The following DAB1 variants were observed in gnomAD, a reference collection of about 807,000 sequenced individuals.
DAB1 encodes the protein disabled homolog 1.
DAB1 carries 15 observed loss-of-function variants against 64.6 expected under a neutral mutation model. The observed-to-expected ratio is 0.23, with a 90% CI of 0.16 to 0.36. The LOEUF is 0.36. Ranked by LOEUF, DAB1 falls within the 10% of genes least tolerant of loss-of-function variation. The pLI is 1.00. For synonymous variants in DAB1, 235 were observed against 251.9 expected (o/e 0.93, Z 0.64); for missense variants, 596 against 706.7 (o/e 0.84, Z 1.78).
At chr1:57,196,373 T>C (rs937752268) in intron 2 of DAB1, among the ~76,000 whole-genome samples, 1 of 152,214 alleles carries the variant, frequency 6.6e-6, no homozygotes, top group Non-Finnish European at 1.5e-5. Context: ...AGGCACTTTC[T>C]TGGCAAATCT....
intron 4 of DAB1, among the ~76,000 whole-genome samples, chr1:57,092,527 G>C (rs1653783058): frequency 6.6e-6 from 1 of 152,072 alleles, no homozygotes; most frequent in Non-Finnish European, 1.5e-5. Context: ...GACGGTACTT[G>C]CTTCTTCTTA....
chr1:57,016,946 G>A (rs1646453472), intron 11 of DAB1, among the ~76,000 whole-genome samples: 1 of 152,104 alleles, frequency 6.6e-6, no homozygotes, highest in Admixed American at 6.5e-5. Context: ...AACTTGCTCA[G>A]GGTCATACAG....
At chr1:57,175,175 G>C (rs978728404) in intron 2 of DAB1, among the ~76,000 whole-genome samples, 14 of 152,004 alleles carry the variant, frequency 9.2e-5, no homozygotes, top group African/African-American at 3.4e-4. Context: ...ACTCCAATTA[G>C]CAAACTGTAT....
chr1:58,490,944 T>A (rs1383416578), intron 3 of DAB1, among the ~76,000 whole-genome samples: 1 of 151,462 alleles, frequency 6.6e-6, no homozygotes, highest in East Asian at 1.9e-4. Context: ...TAGCTGGGAC[T>A]ACAGGCACCC....
At chr1:57,643,103 G>A (rs777131909) in intron 7 of DAB1, among the ~76,000 whole-genome samples, 9 of 152,162 alleles carry the variant, frequency 5.9e-5, no homozygotes, top group South Asian at 2.1e-4. Flanking sequence ...TCATCAATGC[G>A]GATTTCAGCT....
chr1:57,774,347 A>G (rs997613647), intron 6 of DAB1, among the ~76,000 whole-genome samples: 19 of 151,768 alleles, frequency 1.3e-4, no homozygotes, highest in Admixed American at 1.1e-3. Context: ...ATTCCAGTAC[A>G]TTTCTGGAGA....
At chr1:57,587,751 CA>C (rs1645397693) in intron 7 of DAB1, among the ~76,000 whole-genome samples, 1 of 152,152 alleles carries the variant, frequency 6.6e-6, no homozygotes, top group Non-Finnish European at 1.5e-5. Flanking sequence ...AGGCTCAGAG[CA>C]GTGAAGAGAC....
intron 7 of DAB1, among the ~76,000 whole-genome samples, chr1:57,536,585 G>A (rs776138081): frequency 2.0e-5 from 3 of 147,328 alleles, no homozygotes; most frequent in African/African-American, 2.5e-5. Context: ...CCTAATACAC[G>A]TCCTAGAGGT....
At chr1:57,914,212 TA>T (rs1219133896) in intron 5 of DAB1, among the ~76,000 whole-genome samples, 1 of 152,046 alleles carries the variant, frequency 6.6e-6, no homozygotes, top group Admixed American at 6.5e-5. Context: ...CCAACAATGA[TA>T]GACTGGATTA....
chr1:57,729,735 G>GGAACA (rs1213056059), intron 6 of DAB1, among the ~76,000 whole-genome samples: 1 of 152,044 alleles, frequency 6.6e-6, no homozygotes, highest in Non-Finnish European at 1.5e-5. Context: ...CAACAGTGAG[G>GGAACA]GCAACATCTG....
rs142557278 is a variant in DAB1 at position 58,527,018 on chromosome 1, T to C, written n.107+243A>G. On this transcript the variant is annotated intron_variant and non_coding_transcript_variant, in intron 2 of 20. Transcript: ENST00000485760. ...TTTTAATAGAACCTGATAATTACTA[T>C]AATCTTATGGATTCTGTCTAAGGCA... Among the ~76,000 whole-genome samples, 7 of 152,276 alleles carry C rather than the reference T, an allele frequency of 4.6e-5. No individual in the cohort carries two copies. In the South Asian group the frequency reaches 8.3e-4, roughly 18 times the overall value.
At chr1:57,574,331 G>A (rs1417169207) in intron 7 of DAB1, among the ~76,000 whole-genome samples, 1 of 152,164 alleles carries the variant, frequency 6.6e-6, no homozygotes, top group African/African-American at 2.4e-5. Context: ...TAGGGCTGCT[G>A]CTCAACAGGA....
At chr1:57,353,418 A>G (rs1300861269) in intron 1 of DAB1, among the ~76,000 whole-genome samples, 1 of 152,090 alleles carries the variant, frequency 6.6e-6, no homozygotes, top group African/African-American at 2.4e-5. Context: ...GGATTACGAG[A>G]TCCTTGAGAT....
At chr1:57,895,304 C>T (rs1644376821) in intron 5 of DAB1, among the ~76,000 whole-genome samples, 1 of 152,120 alleles carries the variant, frequency 6.6e-6, no homozygotes, top group African/African-American at 2.4e-5. Flanking sequence ...ATTTCATTAT[C>T]CTAATGTGAT....
chr1:58,133,309 G>A (rs893910774), intron 5 of DAB1, among the ~76,000 whole-genome samples: 1 of 152,048 alleles, frequency 6.6e-6, no homozygotes, highest in African/African-American at 2.4e-5. Flanking sequence ...TTCTTCACCT[G>A]GCTAACTCCT....
chr1:57,411,321 C>G (rs1359662562), intron 1 of DAB1, among the ~76,000 whole-genome samples: 1 of 152,178 alleles, frequency 6.6e-6, no homozygotes. Context: ...TGCTTAATGA[C>G]CTGGACTCAT....
intron 11 of DAB1, among the ~76,000 whole-genome samples, chr1:57,017,613 A>G (rs1646476159): frequency 6.6e-6 from 1 of 152,238 alleles, no homozygotes; most frequent in Non-Finnish European, 1.5e-5. Flanking sequence ...CCAACAGGAC[A>G]CCTGGGCTTC....
In DAB1 at chr1:57,667,633, A is replaced by G. The variant is rs115605647; in HGVS notation, n.552-17968T>C. 5.6e-3 allele frequency among the ~76,000 whole-genome samples: 848 copies of G among 152,210 alleles called. 9 individuals are homozygous for G. Among genetic ancestry groups the G allele is most frequent in the African/African-American group, 0.019 (786 of 41,538 alleles). ...AGTAGTGCTATCCTGTATAGTAGCC[A>G]CTAGCTACATACGATTTTTGGGCAT... On this transcript the variant is annotated intron_variant and non_coding_transcript_variant, in intron 6 of 20. Transcript: ENST00000485760.
chr1:57,121,160 G>A (rs1163333321), intron 4 of DAB1, among the ~76,000 whole-genome samples: 1 of 149,470 alleles, frequency 6.7e-6, no homozygotes, highest in Non-Finnish European at 1.5e-5. Context: ...GGAGGAGGAG[G>A]AGGAGAAGGA....
Sources: allele counts gnomAD v4.1 joint callset (sites outside exome capture counted in the v4.1 genomes callset), GRCh38; gene constraint gnomAD v4.1.1; transcripts MANE v1.5; gene names NCBI Gene and HGNC (gene_info 2026-07-23, HGNC 2026-07-21).